Variants in UPF1 observed in about 807,000 individuals in gnomAD.
UPF1 encodes UPF1 RNA helicase and ATPase, also known as regulator of nonsense transcripts 1.
Under a neutral mutation model 129.2 loss-of-function variants are expected in UPF1, and 9 were observed. The observed-to-expected ratio is 0.07, with a 90% CI of 0.04 to 0.12. The LOEUF (loss-of-function observed/expected upper bound fraction) is 0.12, where lower values mean the gene tolerates loss of function less well. Ranked by LOEUF, UPF1 falls within the 10% of genes least tolerant of loss-of-function variation. The pLI is 1.00. For synonymous variants in UPF1, 649 were observed against 644.9 expected (o/e 1.01, Z -0.10); for missense variants, 788 against 1,525.3 (o/e 0.52, Z 8.05).
intron 18 of UPF1, 193 bp from the exon 19 acceptor site, chr19:18,863,245 C>T: frequency 1.5e-6 from 1 of 662,880 alleles, no homozygotes; most frequent in Admixed American, 2.6e-5. Context: ...ACAAAATCAA[C>T]CCGTGTGCAG....
At chr19:18,844,169 C>T (rs1243269300) in intron 1 of UPF1, among the ~76,000 whole-genome samples, 3 of 151,582 alleles carry the variant, frequency 2.0e-5, no homozygotes, top group African/African-American at 7.3e-5. Context: ...GGTTCACATC[C>T]AGAACTAAAG....
chr19:18,850,972 C>G lies in UPF1; in HGVS notation c.810+104C>G. On this transcript the variant is annotated intron_variant, in intron 5 of 23. Transcript: ENST00000262803. The surrounding 1 kb of genome is among the most constrained non-coding windows in gnomAD (Gnocchi z 7.1). ...TGACCCAGTGAGACCGCTGGAGATT[C>G]TCTGAAAGGAATTCAGGCAGACCTC... is the stretch of plus-strand genomic sequence containing the variant. The G allele has an allele frequency of 1.2e-5, 16 of 1,359,826 alleles. No individual in the cohort carries two copies. The highest frequency in any genetic ancestry group is 1.6e-5 in the South Asian group (1 of 63,600). The allele number at this position is 1,359,826 out of a possible 1,614,324, so 84.2% of individuals were successfully genotyped here.
At chr19:18,861,059 C>A in intron 17 of UPF1, 77 bp downstream of exon 17, 2 of 1,478,642 alleles carry the variant, frequency 1.4e-6, no homozygotes, top group Non-Finnish European at 1.8e-6. Context: ...AGTTACCCCC[C>A]AAGAGGGGCC....
chr19:18,838,372 G>C (rs1451037818), intron 1 of UPF1, among the ~76,000 whole-genome samples: 7 of 152,046 alleles, frequency 4.6e-5, no homozygotes, highest in Non-Finnish European at 8.8e-5. Flanking sequence ...ATCCAGGCCG[G>C]GCTTGGTGGC....
chr19:18,845,779 G>A (rs1427854370), intron 1 of UPF1, among the ~76,000 whole-genome samples: 2 of 152,092 alleles, frequency 1.3e-5, no homozygotes, highest in African/African-American at 4.8e-5. Context: ...GTGGGGGACC[G>A]GGGGGTGTAG....
chr19:18,860,251 G>T, intron 15 of UPF1, 70 bp from the exon 16 acceptor site: 1 of 1,498,382 alleles, frequency 6.7e-7, no homozygotes, highest in Non-Finnish European at 9.3e-7. Context: ...CAACTACATT[G>T]CCCTGTGTCT....
At chr19:18,858,694 G>A (rs2055744548) in intron 15 of UPF1, among the ~76,000 whole-genome samples, 1 of 152,102 alleles carries the variant, frequency 6.6e-6, no homozygotes, top group South Asian at 2.1e-4. Flanking sequence ...GAGCAGAGGT[G>A]GACCCCAGGG....
chr19:18,856,829 G>T (rs1371657203), intron 13 of UPF1, 48 bp from the exon 14 acceptor site: 1 of 1,565,184 alleles, frequency 6.4e-7, no homozygotes, highest in South Asian at 1.2e-5. Context: ...CCGGGGTCTG[G>T]TGGCGTTTAC....
At chr19:18,852,797 G>A (rs1033445775) in intron 6 of UPF1, among the ~76,000 whole-genome samples, 190 bp from the exon 7 acceptor site, 1 of 152,040 alleles carries the variant, frequency 6.6e-6, no homozygotes, top group Non-Finnish European at 1.5e-5. Flanking sequence ...TGTGTGTTCC[G>A]GGGACTCCTA....
rs759526964 is a variant in UPF1, at chr19:18,854,733, C to G, written c.1265+24C>G. ...AGGTACGTCTTCTCCCATCACTGCC[C>G]CCTGTTCCCTGGTTGCCACCTGTGG... On this transcript the variant is annotated intron_variant, in intron 9 of 23. Transcript: ENST00000262803. 31 of 1,609,952 alleles carry G rather than the reference C, an allele frequency of 1.9e-5. No individual in the cohort carries two copies. In the South Asian group the frequency reaches 2.9e-4, roughly 15 times the overall value.
chr19:18,833,893 G>A (rs2055455826), intron 1 of UPF1, among the ~76,000 whole-genome samples: 2 of 152,086 alleles, frequency 1.3e-5, no homozygotes, highest in South Asian at 4.1e-4. Flanking sequence ...GCCCCTAATG[G>A]AAGCAAAAAA....
intron 18 of UPF1, among the ~76,000 whole-genome samples, chr19:18,862,660 C>T (rs1006477047): frequency 1.4e-4 from 22 of 152,204 alleles, no homozygotes; most frequent in Admixed American, 1.3e-3. Context: ...GGTGAAACCT[C>T]CTCTCTACTA....
intron 13 of UPF1, 84 bp downstream of exon 13, chr19:18,856,384 G>A: frequency 7.6e-7 from 1 of 1,311,958 alleles, no homozygotes; most frequent in South Asian, 1.4e-5. Context: ...TATTTGAATT[G>A]TTGCTTTGCT....
At position 18,854,598 on chromosome 19, in the gene UPF1, CAG is replaced by C; in HGVS notation, c.1157-1_1157del. On this transcript the variant is annotated splice_acceptor_variant, in intron 8 of 23. Transcript: ENST00000262803. LOFTEE classifies it high-confidence loss of function. ...AAGGATGCAAACTTAACTCAGCACA[CAG>C]ATTATGGCGATGAGATCGCCATTGA... The C allele has an allele frequency of 6.2e-7, 1 of 1,604,568 alleles. No individual in the cohort carries two copies. Among genetic ancestry groups the C allele is most frequent in the Non-Finnish European group, 8.5e-7 (1 of 1,173,500 alleles).
At chr19:18,862,570 TCA>T (rs2055792194) in intron 18 of UPF1, among the ~76,000 whole-genome samples, 1 of 151,890 alleles carries the variant, frequency 6.6e-6, no homozygotes, top group African/African-American at 2.4e-5. Context: ...GCATGGTGTC[TCA>T]CACATGTAAT....
intron 1 of UPF1, among the ~76,000 whole-genome samples, chr19:18,841,369 C>T (rs1215301577): frequency 6.6e-6 from 1 of 152,214 alleles, no homozygotes; most frequent in Non-Finnish European, 1.5e-5. Context: ...ATGTAGTATG[C>T]ATTTCTAGAA....
Position 18,867,300 on chromosome 19 carries a change from C to A in UPF1, c.*783C>A, listed in dbSNP as rs2055862312. The A allele has an allele frequency of 6.6e-6, 1 of 152,206 alleles. No individual in the cohort carries two copies. The highest frequency in any genetic ancestry group is 6.5e-5 in the Admixed American group (1 of 15,292). The allele number at this position is 152,206 out of a possible 1,614,324, so 9.4% of individuals were successfully genotyped here. A position where few individuals can be genotyped will look rare whatever the true frequency, so the allele number is the denominator to read the frequency against. On this transcript the variant is annotated 3_prime_UTR_variant, in exon 24 of 24. Transcript: ENST00000262803. Reference sequence around the variant, plus strand: ...CGGGGCATCAGGCTGCTGGGGTAGCCGCCCGCCGAGCCTGGAAGCTGCTCG... The same window carrying A: ...CGGGGCATCAGGCTGCTGGGGTAGCAGCCCGCCGAGCCTGGAAGCTGCTCG...
intron 20 of UPF1, among the ~76,000 whole-genome samples, chr19:18,864,827 C>G (rs929756629): frequency 7.3e-5 from 11 of 151,284 alleles, no homozygotes; most frequent in Admixed American, 5.3e-4. Flanking sequence ...GCAACCTCCC[C>G]CTCTGGGTTC....
rs200946604 is a variant in UPF1 at position 18,860,925 on chromosome 19, C to T, written c.2400C>T (p.Arg800=). The T allele has an allele frequency of 6.3e-7, 1 of 1,596,996 alleles. No individual in the cohort carries two copies. The highest frequency in any genetic ancestry group is 2.3e-5 in the East Asian group (1 of 43,896). Residue 800 remains arginine, a synonymous_variant, in exon 17 of 24, where the codon CGC becomes CGT. Transcript: ENST00000262803. ...TCATCACGCCCTACGAGGGCCAGCG[C>T]TCCTACCTGGTGCAGTACATGCAGT... ...IGIITPYEGQ[R]SYLVQYMQFS...
Sources: allele counts gnomAD v4.1 joint callset (sites outside exome capture counted in the v4.1 genomes callset), GRCh38; gene constraint gnomAD v4.1.1; non-coding constraint Gnocchi (gnomAD v3.1); transcripts MANE v1.5; gene names NCBI Gene and HGNC (gene_info 2026-07-23, HGNC 2026-07-21).